The following RYR3 variants were observed in gnomAD, a reference collection of about 807,000 sequenced individuals.
The protein encoded by RYR3 is brain ryanodine receptor-calcium release channel.
RYR3 carries 207 observed loss-of-function variants against 584.3 expected under a neutral mutation model. That is an observed-to-expected ratio of 0.35 (90% confidence interval 0.32 to 0.40). The LOEUF is 0.40. Ranked by LOEUF, RYR3 falls within the 10% of genes least tolerant of loss-of-function variation. RYR3 has a pLI of 1.00. For synonymous variants in RYR3, 2,416 were observed against 2,248.5 expected (o/e 1.07, Z -2.11); for missense variants, 5,616 against 6,089.2 (o/e 0.92, Z 2.59).
chr15:33,661,469 T>C (rs1469612446), intron 34 of RYR3, among the ~76,000 whole-genome samples: 2 of 152,150 alleles, frequency 1.3e-5, no homozygotes, highest in African/African-American at 4.8e-5. Flanking sequence ...ATACAAATGA[T>C]ACAGATCAGT....
chr15:33,460,528 G>C (rs1009179859), intron 1 of RYR3, among the ~76,000 whole-genome samples: 1 of 152,146 alleles, frequency 6.6e-6, no homozygotes, highest in African/African-American at 2.4e-5. Context: ...GACTTAGCGA[G>C]TCATACAGAA....
chr15:33,559,605 G>C (rs2057295292), intron 10 of RYR3, among the ~76,000 whole-genome samples: 1 of 152,158 alleles, frequency 6.6e-6, no homozygotes. Flanking sequence ...GTAAGCTATA[G>C]AGGTGGTCCT....
At chr15:33,460,971 G>A (rs567271459) in intron 1 of RYR3, among the ~76,000 whole-genome samples, 163 of 52,654 alleles carry the variant, frequency 3.1e-3, no homozygotes, top group African/African-American at 0.011. Context: ...TTAAGACGGA[G>A]TCTCGCTGTG....
Position 33,837,800 on chromosome 15 carries a change from C to T in RYR3, c.11820C>T (p.Ser3940=). The change falls in exon 89 of 104, where the codon TCC becomes TCT. Residue 3940 remains serine, a synonymous_variant. Coordinates refer to ENST00000634891, the MANE Select transcript of RYR3 (RefSeq NM_001036.6). The part of the protein sequence containing the change: ...EYDPDGKGII[S]KKEFQKAMEG... ...ACCCAGATGGTAAAGGAATTATCTC[C>T]AAAAAAGAATTCCAGAAGGCCATGG... 6.2e-7 allele frequency: 1 copy of T among 1,613,864 alleles called. No individual in the cohort carries two copies.
intron 70 of RYR3, among the ~76,000 whole-genome samples, chr15:33,808,450 A>G (rs1325005025): frequency 6.6e-6 from 1 of 152,250 alleles, no homozygotes; most frequent in African/African-American, 2.4e-5. Context: ...TGAGCAGGAA[A>G]TAATTTAGAT....
intron 3 of RYR3, among the ~76,000 whole-genome samples, chr15:33,528,275 T>A (rs1423518618): frequency 6.6e-6 from 1 of 152,036 alleles, no homozygotes; most frequent in Non-Finnish European, 1.5e-5. Flanking sequence ...CTCACCTACA[T>A]CCTGTGTCAT....
chr15:33,315,467 G>A (rs1337321441), intron 1 of RYR3, among the ~76,000 whole-genome samples: 4 of 152,216 alleles, frequency 2.6e-5, no homozygotes, highest in Non-Finnish European at 5.9e-5. Context: ...CAGACATGCA[G>A]TGTGAGTTGC....
chr15:33,819,268 C>T (rs2076982290), intron 76 of RYR3, among the ~76,000 whole-genome samples: 1 of 152,208 alleles, frequency 6.6e-6, no homozygotes, highest in Non-Finnish European at 1.5e-5. Flanking sequence ...TTCACATTTT[C>T]AGAGTGGTTT....
intron 41 of RYR3, among the ~76,000 whole-genome samples, chr15:33,700,737 G>A (rs887812815): frequency 5.3e-5 from 8 of 152,178 alleles, no homozygotes; most frequent in Admixed American, 4.6e-4. Context: ...CATGGTCCCG[G>A]TTGGTAGTGT....
intron 69 of RYR3, among the ~76,000 whole-genome samples, chr15:33,802,824 T>G (rs1189239605): frequency 6.6e-6 from 1 of 152,226 alleles, no homozygotes; most frequent in East Asian, 1.9e-4. Flanking sequence ...ATACCTGAGA[T>G]GTGCATCTCT....
chr15:33,707,125 A>G (rs933810780), intron 43 of RYR3, 71 bp downstream of exon 43: 16 of 1,545,970 alleles, frequency 1.0e-5, no homozygotes, highest in South Asian at 3.5e-5. Context: ...AAGGAAAAGG[A>G]TATCCTTTCC....
intron 7 of RYR3, among the ~76,000 whole-genome samples, 159 bp downstream of exon 7, chr15:33,541,049 G>A (rs900210273): frequency 1.3e-5 from 2 of 152,048 alleles, no homozygotes; most frequent in Admixed American, 6.6e-5. Flanking sequence ...ATTCAGTACA[G>A]ATTATTTTCT....
chr15:33,694,514 G>A (rs868033205), intron 38 of RYR3, among the ~76,000 whole-genome samples: 1 of 151,968 alleles, frequency 6.6e-6, no homozygotes, highest in Non-Finnish European at 1.5e-5. Context: ...AAAGTGCTGG[G>A]ATTACAGGCG....
chr15:33,655,477 C>A (rs1012254681), intron 32 of RYR3, among the ~76,000 whole-genome samples: 1 of 152,210 alleles, frequency 6.6e-6, no homozygotes, highest in Non-Finnish European at 1.5e-5. Flanking sequence ...TTGCCTGCTT[C>A]AGGAAAGAAC....
intron 22 of RYR3, among the ~76,000 whole-genome samples, chr15:33,630,864 T>C (rs2061231041): frequency 6.6e-6 from 1 of 152,238 alleles, no homozygotes; most frequent in African/African-American, 2.4e-5. Context: ...TGTAATCTTA[T>C]GCTTGCTATC....
intron 2 of RYR3, among the ~76,000 whole-genome samples, chr15:33,485,015 G>A (rs964264594): frequency 7.2e-5 from 11 of 152,034 alleles, no homozygotes; most frequent in African/African-American, 2.7e-4. Flanking sequence ...GGAGGGCCTG[G>A]GAAATGTCAA....
At chr15:33,836,122 C>CT (rs11364460) in intron 87 of RYR3, among the ~76,000 whole-genome samples, 4,261 of 140,394 alleles carry the variant, frequency 0.03, 69 homozygotes, top group Non-Finnish European at 0.038. Flanking sequence ...TTTTTGGTTT[C>CT]TTTTTTTTTT....
chr15:33,623,027 G>A (rs2060804397), intron 19 of RYR3, among the ~76,000 whole-genome samples: 2 of 152,214 alleles, frequency 1.3e-5, no homozygotes, highest in African/African-American at 2.4e-5. Context: ...TGCTATTACT[G>A]TGAGACCTTT....
chr15:33,511,519 C>A (rs2053001922), intron 3 of RYR3, among the ~76,000 whole-genome samples: 1 of 151,542 alleles, frequency 6.6e-6, no homozygotes, highest in Admixed American at 6.6e-5. Flanking sequence ...TTTGCATGGA[C>A]AACTGACTTC....
Sources: allele counts gnomAD v4.1 joint callset (sites outside exome capture counted in the v4.1 genomes callset), GRCh38; gene constraint gnomAD v4.1.1; transcripts MANE v1.5; gene names NCBI Gene and HGNC (gene_info 2026-07-23, HGNC 2026-07-21).